Variants in TBCK observed in about 807,000 individuals in gnomAD.
TBCK encodes TBC1 domain containing kinase.
In TBCK, 99 loss-of-function variants were observed where a neutral mutation model predicts 113.4. That is an observed-to-expected ratio of 0.87 (90% CI 0.74 to 1.03). The LOEUF is 1.03. Among genes scored for constraint, TBCK ranks in the 50% least tolerant of loss-of-function variants. The probability of loss-of-function intolerance (pLI) is 0.00; values close to 1 mark genes in which losing one functional copy is unlikely to be tolerated. For synonymous variants in TBCK, 369 were observed against 370.8 expected (o/e 1.00, Z 0.05); for missense variants, 1,045 against 1,061.3 (o/e 0.98, Z 0.21).
chr4:106,192,472 A>C (rs1753772477), intron 22 of TBCK, among the ~76,000 whole-genome samples: 1 of 152,138 alleles, frequency 6.6e-6, no homozygotes, highest in South Asian at 2.1e-4. Flanking sequence ...TGATTTTCAT[A>C]ATCTCCCAGA....
intron 5 of TBCK, among the ~76,000 whole-genome samples, chr4:106,253,132 T>C (rs750462485): frequency 2.1e-4 from 32 of 152,098 alleles, no homozygotes; most frequent in Non-Finnish European, 4.1e-4. Flanking sequence ...CCTGGAATTT[T>C]TGTGTTTGTC....
Position 106,247,296 on chromosome 4 carries a change from C to CA in TBCK, c.783-10dup. The CA allele has an allele frequency of 2.5e-6, 4 of 1,609,712 alleles. No individual in the cohort carries two copies. Among genetic ancestry groups the CA allele is most frequent in the Non-Finnish European group, 3.4e-6 (4 of 1,177,066 alleles). ...ATTGATCTGGGGTTGGCCTTGAGAA[C>CA]ATTTAAAATACAGAGCATGAATGAA... On this transcript the variant is annotated splice_polypyrimidine_tract_variant and intron_variant, in intron 9 of 25. Transcript: ENST00000394708.
intron 23 of TBCK, among the ~76,000 whole-genome samples, chr4:106,120,626 A>G (rs1203574026): frequency 5.3e-5 from 8 of 152,350 alleles, no homozygotes; most frequent in South Asian, 2.1e-4. Flanking sequence ...TCTGAGAACC[A>G]GCAGACTGTC....
At chr4:106,069,086 C>T (rs1404553336) in intron 25 of TBCK, among the ~76,000 whole-genome samples, 5 of 152,160 alleles carry the variant, frequency 3.3e-5, no homozygotes, top group Non-Finnish European at 4.4e-5. Context: ...TTCTCCCATT[C>T]TATAGGTTGC....
intron 20 of TBCK, among the ~76,000 whole-genome samples, chr4:106,206,362 A>G (rs548517120): frequency 6.6e-6 from 1 of 152,328 alleles, no homozygotes; most frequent in East Asian, 1.9e-4. Context: ...ATTAATAGCC[A>G]CTTTGATTTC....
intron 3 of TBCK, among the ~76,000 whole-genome samples, chr4:106,293,336 A>T (rs73839409): frequency 0.018 from 2,772 of 152,304 alleles, 79 homozygotes; most frequent in African/African-American, 0.061. Flanking sequence ...GAACATAAGC[A>T]ACAGACTTTG....
intron 23 of TBCK, among the ~76,000 whole-genome samples, chr4:106,161,650 T>C (rs1749800473): frequency 6.6e-6 from 1 of 152,100 alleles, no homozygotes; most frequent in African/African-American, 2.4e-5. Context: ...CATGATAACA[T>C]TTCTGTACCA....
intron 23 of TBCK, 62 bp downstream of exon 23, chr4:106,171,033 G>A (rs1750926641): frequency 2.3e-6 from 3 of 1,297,272 alleles, no homozygotes; most frequent in South Asian, 3.1e-5. Context: ...AGATACTAGG[G>A]TATATTAATT....
At chr4:106,314,653 C>T (rs1412213580) in intron 1 of TBCK, among the ~76,000 whole-genome samples, 1 of 115,424 alleles carries the variant, frequency 8.7e-6, no homozygotes, top group African/African-American at 3.4e-5. Flanking sequence ...GAGACAGAGT[C>T]TCACTCTGTC....
At chr4:106,284,352 G>A (rs1343219466) in intron 3 of TBCK, among the ~76,000 whole-genome samples, 1 of 151,918 alleles carries the variant, frequency 6.6e-6, no homozygotes, top group Non-Finnish European at 1.5e-5. Flanking sequence ...AAATTCTTTC[G>A]AGTATCTCAT....
At chr4:106,142,429 C>G (rs888791161) in intron 23 of TBCK, among the ~76,000 whole-genome samples, 2 of 152,142 alleles carry the variant, frequency 1.3e-5, no homozygotes, top group Admixed American at 6.5e-5. Flanking sequence ...GGTTGACAAA[C>G]TGAATTTTTA....
intron 16 of TBCK, 145 bp from the exon 17 acceptor site, chr4:106,233,209 A>C: frequency 6.8e-6 from 5 of 735,898 alleles, no homozygotes; most frequent in Non-Finnish European, 1.1e-5. Flanking sequence ...TAATTTTTTG[A>C]ATTTTTTAAT....
chr4:106,289,042 T>A (rs571561406), intron 3 of TBCK, among the ~76,000 whole-genome samples: 1 of 152,344 alleles, frequency 6.6e-6, no homozygotes, highest in South Asian at 2.1e-4. Context: ...GAAACACTTC[T>A]GGTCCCAAAC....
At chr4:106,118,094 G>A (rs575132646) in intron 23 of TBCK, among the ~76,000 whole-genome samples, 9 of 151,346 alleles carry the variant, frequency 5.9e-5, no homozygotes, top group African/African-American at 2.2e-4. Context: ...TTTAATTTAT[G>A]TTTCATAAGT....
intron 22 of TBCK, among the ~76,000 whole-genome samples, chr4:106,179,709 T>A (rs1434890731): frequency 1.3e-5 from 2 of 152,102 alleles, no homozygotes; most frequent in African/African-American, 2.4e-5. Context: ...AAAATGTGTA[T>A]TCTGCAGCTG....
At chr4:106,161,395 G>A (rs1283748726) in intron 23 of TBCK, among the ~76,000 whole-genome samples, 2 of 152,044 alleles carry the variant, frequency 1.3e-5, no homozygotes, top group Non-Finnish European at 2.9e-5. Context: ...TAAACAAGAG[G>A]GGCCTCATTT....
At chr4:106,239,011 C>T (rs551891502) in intron 12 of TBCK, among the ~76,000 whole-genome samples, 1 of 152,126 alleles carries the variant, frequency 6.6e-6, no homozygotes, top group South Asian at 2.1e-4. Context: ...AGAAAAATAC[C>T]CTTGACTTCC....
rs183284598 is a variant in TBCK at position 106,112,097 on chromosome 4, C to T, written c.2411+4106G>A. On this transcript the variant is annotated intron_variant, in intron 24 of 25. Coordinates refer to ENST00000394708, the MANE Select transcript of TBCK (RefSeq NM_001163435.3). ...TCCCCTACAGATGACCCCAGGGCTACGCTTCCTAGAATGGGTTTTTTGCTC... is the reference window on the plus strand; with the variant it reads ...TCCCCTACAGATGACCCCAGGGCTATGCTTCCTAGAATGGGTTTTTTGCTC... Among the ~76,000 whole-genome samples, 95 of 151,506 alleles carry T rather than the reference C, an allele frequency of 6.3e-4. 3 individuals are homozygous for T. The highest frequency in any genetic ancestry group is 1.7e-3 in the Admixed American group (26 of 15,240).
In TBCK at chr4:106,143,690, G is replaced by A. The variant is rs1223470749; in HGVS notation, c.2236-27312C>T. 5.9e-5 allele frequency among the ~76,000 whole-genome samples: 9 copies of A among 152,006 alleles called. No homozygotes were observed. The South Asian group carries it at 6.2e-4, about 11-fold the overall frequency. ...AGCACTTTGGGAGGCCAAGGCGGGC[G>A]GACCACCTGAGGTCAGGAGTTCATG... is the stretch of plus-strand genomic sequence containing the variant. On this transcript the variant is annotated intron_variant, in intron 23 of 25. Transcript: ENST00000394708.
Sources: gnomAD v4.1 joint callset for allele counts (sites outside exome capture counted in the v4.1 genomes callset) on GRCh38, gnomAD v4.1.1 for gene constraint, MANE v1.5 for transcripts, NCBI Gene and HGNC (gene_info 2026-07-23, HGNC 2026-07-21) for gene names.